PRKAG2: variants seen among roughly 807,000 people sequenced by gnomAD.
PRKAG2 encodes protein kinase AMP-activated non-catalytic subunit gamma 2.
Under a neutral mutation model 69.6 loss-of-function variants are expected in PRKAG2, and 26 were observed. That is an observed-to-expected ratio of 0.37 (90% CI 0.27 to 0.52). PRKAG2 has a LOEUF of 0.52. Ranked by LOEUF, PRKAG2 falls within the 20% of genes least tolerant of loss-of-function variation. The probability of loss-of-function intolerance (pLI) is 0.90; values close to 1 mark genes in which losing one functional copy is unlikely to be tolerated. For synonymous variants in PRKAG2, 293 were observed against 285.0 expected, an observed-to-expected ratio of 1.03 and a Z score of -0.28; for missense variants, 557 against 740.0, an observed-to-expected ratio of 0.75 and a Z score of 2.87.
Position 151,716,417 on chromosome 7 carries a change from G to A in PRKAG2, c.467-40780C>T, listed in dbSNP as rs558027119. On this transcript the variant is annotated intron_variant, in intron 3 of 15. Coordinates refer to ENST00000287878, the MANE Select transcript of PRKAG2 (RefSeq NM_016203.4). ...GTTAGAGAAGCAGGGGCTGGGCAGGGGTCCGTATGTGGACTCCCAACAGAG... is the reference window on the plus strand; with the variant it reads ...GTTAGAGAAGCAGGGGCTGGGCAGGAGTCCGTATGTGGACTCCCAACAGAG... 2.2e-4 allele frequency among the ~76,000 whole-genome samples: 34 copies of A among 152,280 alleles called. No homozygotes were observed. In the East Asian group the frequency reaches 6.6e-3, roughly 29 times the overall value.
chr7:151,768,282 T>C (rs933836727), intron 3 of PRKAG2, among the ~76,000 whole-genome samples: 2 of 152,164 alleles, frequency 1.3e-5, no homozygotes, highest in African/African-American at 4.8e-5. Context: ...ATGCAGCCCC[T>C]TGTCATCATT....
Position 151,774,598 on chromosome 7 carries a change from G to A in PRKAG2, c.466+6554C>T, listed in dbSNP as rs576677040. 7.2e-4 allele frequency among the ~76,000 whole-genome samples: 110 copies of A among 152,236 alleles called. 1 individual carries two copies. Among genetic ancestry groups the A allele is most frequent in the Admixed American group, 4.8e-3 (73 of 15,294 alleles). ...GAGGCAGATGGATCACTTGATGTGA[G>A]GAGTTTGAGACCAGCCTGGCCAACA... On this transcript the variant is annotated intron_variant, in intron 3 of 15. Coordinates refer to ENST00000287878, the MANE Select transcript of PRKAG2 (RefSeq NM_016203.4).
At chr7:151,832,560 C>T (rs1275664903) in intron 1 of PRKAG2, among the ~76,000 whole-genome samples, 1 of 150,112 alleles carries the variant, frequency 6.7e-6, no homozygotes, top group African/African-American at 2.4e-5. Flanking sequence ...TCCCCCCTTC[C>T]CCTGGGGCTG....
chr7:151,728,284 C>T (rs1056566708), intron 3 of PRKAG2, among the ~76,000 whole-genome samples: 7 of 152,146 alleles, frequency 4.6e-5, no homozygotes, highest in Admixed American at 2.6e-4. Context: ...TCTTCTCAAT[C>T]GCTAAAAGAC....
At chr7:151,725,485 T>C (rs1038351699) in intron 3 of PRKAG2, among the ~76,000 whole-genome samples, 2 of 151,832 alleles carry the variant, frequency 1.3e-5, no homozygotes, top group African/African-American at 4.8e-5. Flanking sequence ...GTGCGTGTAC[T>C]TAATGCTACT....
intron 14 of PRKAG2, 82 bp from the exon 15 acceptor site, chr7:151,560,699 G>C: frequency 6.5e-7 from 1 of 1,531,010 alleles, no homozygotes; most frequent in East Asian, 2.3e-5. Context: ...GTCCTGTCAT[G>C]TTTTTATATG....
chr7:151,625,427 G>A (rs549312770), intron 5 of PRKAG2, among the ~76,000 whole-genome samples: 32 of 152,294 alleles, frequency 2.1e-4, no homozygotes, highest in African/African-American at 7.0e-4. Context: ...AGGGGGCAAG[G>A]AGGGCGTGCC....
At chr7:151,672,997 G>T (rs1832317523) in intron 4 of PRKAG2, among the ~76,000 whole-genome samples, 2 of 152,172 alleles carry the variant, frequency 1.3e-5, no homozygotes, top group Non-Finnish European at 2.9e-5. Flanking sequence ...GTTGTGTGGG[G>T]TATAAACAGT....
At chr7:151,696,225 C>T (rs1338870296) in intron 3 of PRKAG2, among the ~76,000 whole-genome samples, 1 of 152,242 alleles carries the variant, frequency 6.6e-6, no homozygotes, top group Admixed American at 6.5e-5. Context: ...TACTGGCAAG[C>T]TTCAGCCGCA....
At chr7:151,863,726 G>A (rs1254265932) in intron 1 of PRKAG2, among the ~76,000 whole-genome samples, 2 of 152,094 alleles carry the variant, frequency 1.3e-5, no homozygotes, top group African/African-American at 2.4e-5. Context: ...GAGCAGCCTG[G>A]CAAGATGATG....
intron 1 of PRKAG2, among the ~76,000 whole-genome samples, chr7:151,840,384 TACTC>T (rs1380258377): frequency 1.3e-5 from 2 of 152,200 alleles, no homozygotes; most frequent in African/African-American, 2.4e-5. Flanking sequence ...ACCAGTTAGT[TACTC>T]ATTCATTCAT....
At chr7:151,848,082 C>T (rs984832548) in intron 1 of PRKAG2, among the ~76,000 whole-genome samples, 10 of 152,186 alleles carry the variant, frequency 6.6e-5, no homozygotes, top group African/African-American at 2.2e-4. Flanking sequence ...ATTGCAGAGA[C>T]GAGGCTGAGG....
At chr7:151,658,517 C>CAGA (rs1829846367) in intron 4 of PRKAG2, among the ~76,000 whole-genome samples, 1 of 150,994 alleles carries the variant, frequency 6.6e-6, no homozygotes, top group Admixed American at 6.6e-5. Context: ...TCACAGATCC[C>CAGA]AGAGCACCTA....
intron 3 of PRKAG2, among the ~76,000 whole-genome samples, chr7:151,693,776 C>T (rs1452967620): frequency 6.6e-6 from 1 of 152,308 alleles, no homozygotes; most frequent in East Asian, 1.9e-4. Flanking sequence ...TGTGAGGACG[C>T]AGCCAGGAGG....
chr7:151,864,439 T>G (rs543469901), intron 1 of PRKAG2, among the ~76,000 whole-genome samples: 1 of 152,200 alleles, frequency 6.6e-6, no homozygotes, highest in African/African-American at 2.4e-5. Flanking sequence ...GGGGCTACCA[T>G]GCATCCTCTG....
intron 3 of PRKAG2, among the ~76,000 whole-genome samples, chr7:151,779,846 C>T (rs560464029): frequency 3.3e-5 from 5 of 152,182 alleles, no homozygotes; most frequent in African/African-American, 4.8e-5. Flanking sequence ...CCCATCAGGA[C>T]GGGCCTGATT....
rs547855786 is a variant in PRKAG2, at chr7:151,692,979, G to A, written c.467-17342C>T. Among the ~76,000 whole-genome samples, 82 of 152,286 alleles carry A rather than the reference G, an allele frequency of 5.4e-4. 2 individuals carry two copies. In the South Asian group the frequency reaches 0.016, roughly 29 times the overall value. On this transcript the variant is annotated intron_variant, in intron 3 of 15. Transcript: ENST00000287878. ...TCCTGGAGACAGCTGTGCTCACACA[G>A]CCTGTACCCTGCCTTCCCCTGCTGT...
chr7:151,578,513 T>C (rs1449620947), intron 6 of PRKAG2, among the ~76,000 whole-genome samples: 1 of 152,224 alleles, frequency 6.6e-6, no homozygotes, highest in Non-Finnish European at 1.5e-5. Context: ...CTCATGCATG[T>C]ACCTAGTTCA....
At chr7:151,725,393 G>A (rs1368995033) in intron 3 of PRKAG2, among the ~76,000 whole-genome samples, 1 of 151,964 alleles carries the variant, frequency 6.6e-6, no homozygotes, top group African/African-American at 2.4e-5. Flanking sequence ...GAGGAGCATG[G>A]GGAGTCAGGG....
Sources: allele counts gnomAD v4.1 joint callset (sites outside exome capture counted in the v4.1 genomes callset), GRCh38; gene constraint gnomAD v4.1.1; transcripts MANE v1.5; gene names NCBI Gene and HGNC (gene_info 2026-07-23, HGNC 2026-07-21).